Variants in RSPH9 observed in about 807,000 individuals in gnomAD.
RSPH9 encodes the protein radial spoke head component 9, also known as radial spoke head protein 9 homolog.
A neutral mutation model predicts 27.0 loss-of-function variants in RSPH9; 27 were observed. The ratio of observed to expected loss-of-function variants is 1.00; its 90% CI spans 0.74 to 1.38. The LOEUF is 1.38. Ranked by LOEUF, RSPH9 falls within the 40% of genes most tolerant of loss-of-function variation. RSPH9 has a pLI of 0.00. For missense variants in RSPH9, 347 were observed against 357.4 expected (o/e 0.97, Z 0.24); for synonymous variants, 145 against 147.7 (o/e 0.98, Z 0.13).
At chr6:43,666,101 C>T (rs150287874) in intron 4 of RSPH9, among the ~76,000 whole-genome samples, 6 of 152,358 alleles carry the variant, frequency 3.9e-5, no homozygotes, top group African/African-American at 1.4e-4. Flanking sequence ...GCTGGGATTA[C>T]AGGCATAAGC....
At chr6:43,646,761 G>A (rs2127881149) in intron 1 of RSPH9, among the ~76,000 whole-genome samples, 1 of 151,396 alleles carries the variant, frequency 6.6e-6, no homozygotes, top group South Asian at 2.1e-4. Flanking sequence ...AGGAGATTGA[G>A]ACCATCCTGG....
At chr6:43,659,324 G>C (rs1772365337) in intron 4 of RSPH9, among the ~76,000 whole-genome samples, 1 of 151,030 alleles carries the variant, frequency 6.6e-6, no homozygotes, top group South Asian at 2.1e-4. Flanking sequence ...CTGGGTTCAA[G>C]CAATTATCCT....
chr6:43,648,913 T>C (rs1303468953), intron 1 of RSPH9, among the ~76,000 whole-genome samples: 1 of 152,038 alleles, frequency 6.6e-6, no homozygotes, highest in Non-Finnish European at 1.5e-5. Context: ...TCAGAGGAAA[T>C]AGAACTGGAG....
At chr6:43,665,760 C>T (rs1773068683) in intron 4 of RSPH9, among the ~76,000 whole-genome samples, 1 of 152,136 alleles carries the variant, frequency 6.6e-6, no homozygotes, top group South Asian at 2.1e-4. Context: ...GGAAACCTCC[C>T]CATACTCTTC....
At chr6:43,646,247 T>G (rs1170432840) in intron 1 of RSPH9, among the ~76,000 whole-genome samples, 1 of 152,054 alleles carries the variant, frequency 6.6e-6, no homozygotes, top group African/African-American at 2.4e-5. Flanking sequence ...TTCTCCTCCC[T>G]CAGCCTCCCG....
chr6:43,661,916 C>G (rs555033886), intron 4 of RSPH9, among the ~76,000 whole-genome samples: 1 of 152,266 alleles, frequency 6.6e-6, no homozygotes, highest in African/African-American at 2.4e-5. Context: ...GAGACAGAGT[C>G]TCACTCTGTT....
intron 2 of RSPH9, among the ~76,000 whole-genome samples, chr6:43,653,920 G>A (rs1008865950): frequency 2.0e-5 from 3 of 152,104 alleles, no homozygotes; most frequent in African/African-American, 4.8e-5. Context: ...TCAAACTCCC[G>A]ACCTCAGGTG....
intron 4 of RSPH9, among the ~76,000 whole-genome samples, chr6:43,665,757 T>C (rs529787025): frequency 1.3e-5 from 2 of 152,068 alleles, no homozygotes; most frequent in East Asian, 3.8e-4. Context: ...TTGGGAAACC[T>C]CCCCATACTC....
intron 1 of RSPH9, 118 bp from the exon 2 acceptor site, chr6:43,650,257 A>T (rs2127890891): frequency 1.7e-6 from 2 of 1,174,690 alleles, no homozygotes; most frequent in East Asian, 5.1e-5. Flanking sequence ...ATTGGGAGGA[A>T]AGGTGGCCAT....
At chr6:43,653,217 C>T (rs1771661148) in intron 2 of RSPH9, among the ~76,000 whole-genome samples, 1 of 152,030 alleles carries the variant, frequency 6.6e-6, no homozygotes, top group Non-Finnish European at 1.5e-5. Flanking sequence ...TTTGGGAGCC[C>T]AAGGCGGGCA....
At chr6:43,652,389 G>C (rs1220551716) in intron 2 of RSPH9, among the ~76,000 whole-genome samples, 1 of 150,872 alleles carries the variant, frequency 6.6e-6, no homozygotes, top group East Asian at 1.9e-4. Flanking sequence ...ATATATTTTG[G>C]AGATCTTTCT....
chr6:43,671,896 G>A lies in RSPH9; in HGVS notation c.*947G>A, dbSNP rs200626450. The A allele has an allele frequency of 1.7e-4, 279 of 1,609,344 alleles. 1 individual carries two copies. The South Asian group carries it at 2.3e-3, about 13-fold the overall frequency. ...GGCTTGACGGAGCCAGGAGCCCAGC[G>A]CGTCAGGTACCTGTGGAGGGAGAAC... is the stretch of plus-strand genomic sequence containing the variant. On this transcript the variant is annotated 3_prime_UTR_variant, in exon 5 of 5. Coordinates refer to ENST00000372163, the MANE Select transcript of RSPH9 (RefSeq NM_152732.5).
At chr6:43,655,346 A>G (rs1019286519) in intron 2 of RSPH9, among the ~76,000 whole-genome samples, 3 of 152,226 alleles carry the variant, frequency 2.0e-5, no homozygotes, top group African/African-American at 7.2e-5. Context: ...TTTGAATATC[A>G]TACCACCCTT....
At chr6:43,663,321 C>T (rs1003766196) in intron 4 of RSPH9, among the ~76,000 whole-genome samples, 1 of 152,012 alleles carries the variant, frequency 6.6e-6, no homozygotes, top group Non-Finnish European at 1.5e-5. Flanking sequence ...TGGGTTCAAG[C>T]GATTCTTCTG....
intron 4 of RSPH9, among the ~76,000 whole-genome samples, chr6:43,658,132 A>G (rs1267356351): frequency 6.6e-6 from 1 of 152,046 alleles, no homozygotes; most frequent in Admixed American, 6.6e-5. Context: ...TCTACTAAAA[A>G]TAGAAAAATT....
At chr6:43,663,820 A>G (rs894972180) in intron 4 of RSPH9, among the ~76,000 whole-genome samples, 1 of 151,962 alleles carries the variant, frequency 6.6e-6, no homozygotes, top group Admixed American at 6.6e-5. Context: ...ACTAAAGGCC[A>G]GGAGTTTGAG....
rs757420621 is a variant in RSPH9 at position 43,650,427 on chromosome 6, G to T, written c.280G>T (p.Ala94Ser). Residue 94 changes from alanine to serine, a missense_variant, in exon 2 of 5, where the codon GCG (alanine) becomes TCG (serine). Ala to Ser is a moderately conservative substitution (Grantham distance 99). Coordinates refer to ENST00000372163, the MANE Select transcript of RSPH9 (RefSeq NM_152732.5). Reference sequence around the variant, plus strand: ...GCCCCCTGCCACAGAGGAGATGGTGGCGCAGTCGTCTGTGGTGAAGGGCCG... The same window carrying T: ...GCCCCCTGCCACAGAGGAGATGGTGTCGCAGTCGTCTGTGGTGAAGGGCCG... ...LLPPATEEMV[A>S]QSSVVKGRFM... The T allele has an allele frequency of 6.2e-7, 1 of 1,614,066 alleles. No individual in the cohort carries two copies. The highest frequency in any genetic ancestry group is 1.3e-5 in the African/African-American group (1 of 75,060).
At chr6:43,668,893 G>A (rs534770645) in intron 4 of RSPH9, among the ~76,000 whole-genome samples, 3 of 152,286 alleles carry the variant, frequency 2.0e-5, no homozygotes, top group South Asian at 2.1e-4. Flanking sequence ...TGAGGGAATC[G>A]GATCTCCCTG....
chr6:43,667,483 G>C (rs1006585450), intron 4 of RSPH9, among the ~76,000 whole-genome samples: 18 of 152,336 alleles, frequency 1.2e-4, no homozygotes, highest in East Asian at 1.9e-4. Context: ...GTTGAGGACC[G>C]GGAAGGGGGC....
Sources: gnomAD v4.1 joint callset for allele counts (sites outside exome capture counted in the v4.1 genomes callset) on GRCh38, gnomAD v4.1.1 for gene constraint, MANE v1.5 for transcripts, NCBI Gene and HGNC (gene_info 2026-07-23, HGNC 2026-07-21) for gene names.